COL4A6: variants seen among roughly 807,000 people sequenced by gnomAD.
COL4A6 encodes collagen alpha-6(IV) chain.
COL4A6 carries 59 observed loss-of-function variants against 126.7 expected under a neutral mutation model. That is an observed-to-expected ratio of 0.47 (90% CI 0.38 to 0.58). COL4A6 has a LOEUF of 0.58. Ranked by LOEUF, COL4A6 falls within the 20% of genes least tolerant of loss-of-function variation. The pLI is 0.00. For synonymous variants in COL4A6, 547 were observed against 496.6 expected, an observed-to-expected ratio of 1.10 and a Z score of -1.35; for missense variants, 1,285 against 1,337.3, an observed-to-expected ratio of 0.96 and a Z score of 0.61.
In COL4A6 at chrX:108,175,190, G is replaced by A. The variant is rs183856005; in HGVS notation, c.2856C>T (p.Val952=). 4.1e-5 allele frequency: 49 copies of A among 1,194,124 alleles called. No individual in the cohort carries two copies. The highest frequency in any genetic ancestry group is 2.7e-4 in the East Asian group (9 of 32,805). ...TTGGACGTCTTGGACTAGGTATTCCGACTGGCCCCGGATTGCCTCTGTCTC... is the reference window on the plus strand; with the variant it reads ...TTGGACGTCTTGGACTAGGTATTCCAACTGGCCCCGGATTGCCTCTGTCTC... ...EKGDRGNPGP[V]GIPSPRRPMS... The change falls in exon 30 of 45, where the codon GTC becomes GTT. Residue 952 remains valine, a synonymous_variant. Coordinates refer to ENST00000334504, the MANE Select transcript of COL4A6 (RefSeq NM_033641.4).
chrX:108,218,214 TC>T (rs1432398552), intron 5 of COL4A6, among the ~76,000 whole-genome samples: 1 of 112,435 alleles, frequency 8.9e-6, no homozygotes, highest in Admixed American at 9.4e-5. Flanking sequence ...CCTCCACTCA[TC>T]TCTGGCAAAG....
At chrX:108,197,059 G>A (rs747693511) in intron 13 of COL4A6, among the ~76,000 whole-genome samples, 135 of 112,099 alleles carry the variant, frequency 1.2e-3, no homozygotes, top group Non-Finnish European at 2.1e-3. Context: ...CTAGGGGGAA[G>A]AGCAAGAGCT....
At chrX:108,408,419 T>A (rs1276132315) in intron 2 of COL4A6, among the ~76,000 whole-genome samples, 2 of 111,717 alleles carry the variant, frequency 1.8e-5, no homozygotes, top group Admixed American at 9.5e-5. Context: ...CCACACAATT[T>A]TTTTTCTGTT....
chrX:108,208,587 T>C (rs1299725934), intron 8 of COL4A6, among the ~76,000 whole-genome samples: 1 of 112,087 alleles, frequency 8.9e-6, no homozygotes, highest in Non-Finnish European at 1.9e-5. Context: ...AAATATTCCA[T>C]GGGTCAAAGA....
In COL4A6 at chrX:108,169,363, G is replaced by T. The variant is rs141765964; in HGVS notation, c.3691+132C>A. On this transcript the variant is annotated intron_variant, in intron 37 of 44. Coordinates refer to ENST00000334504, the MANE Select transcript of COL4A6 (RefSeq NM_033641.4). The stretch of plus-strand genomic sequence containing the variant: ...TCTTTCTCAGCAGTCATTCCCACTG[G>T]GTTGTGAGACTCCCAGAGATGTGAA... The T allele has an allele frequency of 1.3e-4, 108 of 852,360 alleles. No homozygotes were observed. The East Asian group carries it at 3.5e-3, about 28-fold the overall frequency. The allele number at this position is 852,360 out of a possible 1,213,427, so 70.2% of individuals were successfully genotyped here.
At chrX:108,171,613 C>T in intron 32 of COL4A6, 152 bp from the exon 33 acceptor site, 1 of 468,751 alleles carries the variant, frequency 2.1e-6, no homozygotes, top group Non-Finnish European at 3.7e-6. Context: ...AGTGATGAAC[C>T]ACCATCCAGG....
intron 3 of COL4A6, among the ~76,000 whole-genome samples, chrX:108,225,037 A>T (rs2036125992): frequency 1.7e-5 from 1 of 59,475 alleles, no homozygotes; most frequent in African/African-American, 6.9e-5. Flanking sequence ...TATTTTATAC[A>T]TGGGGCGGGG....
chrX:108,367,028 T>G (rs1390769484), intron 2 of COL4A6, among the ~76,000 whole-genome samples: 3 of 112,294 alleles, frequency 2.7e-5, no homozygotes, highest in Non-Finnish European at 5.6e-5. Context: ...AATTTGAAGC[T>G]CTACGGAACT....
chrX:108,288,316 A>C (rs935994820), intron 3 of COL4A6, among the ~76,000 whole-genome samples: 2 of 112,175 alleles, frequency 1.8e-5, no homozygotes, highest in Non-Finnish European at 3.8e-5. Context: ...TCCCATGAGA[A>C]ACATAGTACT....
chrX:108,201,546 T>C (rs1475388373), intron 13 of COL4A6, among the ~76,000 whole-genome samples: 1 of 111,980 alleles, frequency 8.9e-6, no homozygotes, highest in Non-Finnish European at 1.9e-5. Context: ...CTTTTAAATA[T>C]TCAGAGGTAT....
chrX:108,158,658 G>C (rs1001457315), intron 44 of COL4A6, among the ~76,000 whole-genome samples: 5 of 111,991 alleles, frequency 4.5e-5, no homozygotes, highest in Non-Finnish European at 9.4e-5. Context: ...CTTTCCCCAG[G>C]TAGGTACGCT....
intron 40 of COL4A6, 118 bp downstream of exon 40, chrX:108,164,482 C>A: frequency 3.0e-6 from 2 of 667,158 alleles, no homozygotes; most frequent in Non-Finnish European, 4.7e-6. Flanking sequence ...GTACCTTGAT[C>A]CAGCTGTTTT....
chrX:108,233,114 G>A (rs757385803), intron 3 of COL4A6, among the ~76,000 whole-genome samples: 2 of 111,986 alleles, frequency 1.8e-5, no homozygotes, highest in East Asian at 5.6e-4. Context: ...AAAATACATG[G>A]TTTAATTACA....
chrX:108,158,771 A>G (rs2033819953), intron 44 of COL4A6, among the ~76,000 whole-genome samples: 1 of 112,192 alleles, frequency 8.9e-6, no homozygotes, highest in East Asian at 2.8e-4. Context: ...GAGTACTTCA[A>G]TGGGTGCCAC....
chrX:108,389,427 T>C (rs1212463072), intron 2 of COL4A6, among the ~76,000 whole-genome samples: 2 of 112,137 alleles, frequency 1.8e-5, no homozygotes, highest in African/African-American at 6.5e-5. Flanking sequence ...ATATTTAGGA[T>C]AGTTACCTCT....
chrX:108,401,152 T>G (rs1305687844), intron 2 of COL4A6, among the ~76,000 whole-genome samples: 6 of 111,565 alleles, frequency 5.4e-5, no homozygotes. Context: ...ATTTATTAAG[T>G]TCATATATAT....
At chrX:108,229,145 G>A (rs2036243164) in intron 3 of COL4A6, among the ~76,000 whole-genome samples, 1 of 112,088 alleles carries the variant, frequency 8.9e-6, no homozygotes, top group Non-Finnish European at 1.9e-5. Flanking sequence ...ATGCTGAGGT[G>A]TTTAATCTGG....
chrX:108,297,272 A>G (rs1043986705), intron 3 of COL4A6, among the ~76,000 whole-genome samples: 2 of 112,049 alleles, frequency 1.8e-5, no homozygotes, highest in African/African-American at 6.5e-5. Flanking sequence ...AGCCTATTTA[A>G]TTATCTTAAC....
chrX:108,317,512 T>A (rs912372186), intron 2 of COL4A6, among the ~76,000 whole-genome samples: 3 of 112,304 alleles, frequency 2.7e-5, no homozygotes, highest in Non-Finnish European at 5.6e-5. Flanking sequence ...TTTGTCATAA[T>A]CCTGAATGGT....
Sources: allele counts gnomAD v4.1 joint callset (sites outside exome capture counted in the v4.1 genomes callset), GRCh38; gene constraint gnomAD v4.1.1; transcripts MANE v1.5; gene names NCBI Gene and HGNC (gene_info 2026-07-23, HGNC 2026-07-21).